KDM6A: variants seen among roughly 807,000 people sequenced by gnomAD.
The protein encoded by KDM6A is lysine-specific demethylase 6A.
KDM6A carries 11 observed loss-of-function variants against 117.6 expected under a neutral mutation model. The ratio of observed to expected loss-of-function variants is 0.09; its 90% CI spans 0.06 to 0.15. The LOEUF (loss-of-function observed/expected upper bound fraction) is 0.15, where lower values mean the gene tolerates loss of function less well. Among genes scored for constraint, KDM6A ranks in the 10% least tolerant of loss-of-function variants. The pLI is 1.00. For missense variants in KDM6A, 799 were observed against 1,077.3 expected (o/e 0.74, Z 3.62); for synonymous variants, 384 against 396.1 (o/e 0.97, Z 0.36).
intron 2 of KDM6A, among the ~76,000 whole-genome samples, chrX:44,909,808 G>C (rs1397164083): frequency 8.9e-6 from 1 of 111,857 alleles, no homozygotes; most frequent in East Asian, 2.8e-4. Flanking sequence ...TAGGAGAGAA[G>C]TTGTTGCATG....
intron 2 of KDM6A, among the ~76,000 whole-genome samples, chrX:44,948,968 C>G (rs1422838670): frequency 8.9e-6 from 1 of 112,239 alleles, no homozygotes; most frequent in Non-Finnish European, 1.9e-5. Flanking sequence ...TTAACAGATA[C>G]TCTTCAGTAG....
chrX:45,082,805 AATATT>A lies in KDM6A; in HGVS notation c.3440+17_3440+21del. ...ATGACAAAAAGTAAGTCCTTGTAGT[AATATT>A]TCTGTGAACTGATGCAAAGAGTTAT... On this transcript the variant is annotated intron_variant, in intron 23 of 29. Transcript: ENST00000611820. 9.4e-7 allele frequency: 1 copy of A among 1,060,189 alleles called. No homozygotes were observed. The highest frequency in any genetic ancestry group is 1.3e-6 in the Non-Finnish European group (1 of 758,365). The allele number at this position is 1,060,189 out of a possible 1,213,427, so 87.4% of individuals were successfully genotyped here.
chrX:45,029,845 T>C (rs1214894520), intron 6 of KDM6A, among the ~76,000 whole-genome samples: 1 of 111,184 alleles, frequency 9.0e-6, no homozygotes, highest in Non-Finnish European at 1.9e-5. Flanking sequence ...TTTAAAAATT[T>C]CTAGTCAGTT....
intron 3 of KDM6A, among the ~76,000 whole-genome samples, chrX:44,968,250 A>C (rs1228813368): frequency 8.9e-6 from 1 of 112,717 alleles, no homozygotes; most frequent in Admixed American, 9.4e-5. Context: ...GTGACCAGGG[A>C]CAAGTTGGCT....
intron 27 of KDM6A, among the ~76,000 whole-genome samples, chrX:45,093,914 T>C (rs1057128285): frequency 9.0e-6 from 1 of 111,177 alleles, no homozygotes; most frequent in Non-Finnish European, 1.9e-5. Context: ...GCACTTACAT[T>C]CTTATCTATA....
Position 45,010,945 on chromosome X carries a change from T to G in KDM6A, c.385-16T>G. The G allele has an allele frequency of 8.5e-7, 1 of 1,172,815 alleles. No homozygotes were observed. Among genetic ancestry groups the G allele is most frequent in the Middle Eastern group, 2.4e-4 (1 of 4,173 alleles). On this transcript the variant is annotated splice_polypyrimidine_tract_variant and intron_variant, in intron 4 of 29. Coordinates refer to ENST00000611820, the MANE Select transcript of KDM6A (RefSeq NM_001291415.2). The stretch of plus-strand genomic sequence containing the variant: ...ACAAGTATTTTTCCTAAAAATCTTT[T>G]TCCCTTCCTTTACAGAATGCTGCCT...
At chrX:44,914,676 A>C (rs1202518702) in intron 2 of KDM6A, among the ~76,000 whole-genome samples, 1 of 111,162 alleles carries the variant, frequency 9.0e-6, no homozygotes, top group Non-Finnish European at 1.9e-5. Flanking sequence ...TAAACTACTC[A>C]TCAAAGTACC....
intron 2 of KDM6A, among the ~76,000 whole-genome samples, chrX:44,910,186 T>C (rs2034994134): frequency 1.8e-5 from 2 of 112,264 alleles, no homozygotes; most frequent in African/African-American, 6.5e-5. Context: ...ACTCTTATTT[T>C]TTTCATAAAC....
At chrX:44,987,310 T>C (rs772675081) in intron 4 of KDM6A, among the ~76,000 whole-genome samples, 72 of 111,483 alleles carry the variant, frequency 6.5e-4, no homozygotes, top group Non-Finnish European at 1.2e-3. Context: ...TCTCTGCACA[T>C]GAGATGGGTT....
rs774785601 is a variant in KDM6A at position 45,063,436 on chromosome X, A to T, written c.1698A>T (p.Gly566=). The T allele has an allele frequency of 5.0e-6, 6 of 1,203,748 alleles. No homozygotes were observed. Among genetic ancestry groups the T allele is most frequent in the Non-Finnish European group, 6.7e-6 (6 of 894,341 alleles). The part of the protein sequence containing the change: ...LMQQHQMRPT[G]VAQVRSTGIP... ...TTTTTTGACAGATGAGACCAACAGG[A>T]GTTGCACAGGTACGATCTACTGGAA... The change falls in exon 17 of 30, where the codon GGA becomes GGT. Residue 566 remains glycine, a synonymous_variant. Coordinates refer to ENST00000611820, the MANE Select transcript of KDM6A (RefSeq NM_001291415.2).
rs6611048 is a variant in KDM6A at position 44,901,481 on chromosome X, A to G, written c.225+27494A>G. Among the ~76,000 whole-genome samples the G allele has an allele frequency of 8.5e-3, 952 of 111,370 alleles. 11 individuals carry two copies. The highest frequency in any genetic ancestry group is 0.03 in the African/African-American group (917 of 30,649). On this transcript the variant is annotated intron_variant, in intron 2 of 29. Coordinates refer to ENST00000611820, the MANE Select transcript of KDM6A (RefSeq NM_001291415.2). Reference sequence around the variant, plus strand: ...GCTGTTGTTGCAGGGAGTATTCTATAGGTGGCTATTAAGTCTTGTTTTGTA... The same window carrying G: ...GCTGTTGTTGCAGGGAGTATTCTATGGGTGGCTATTAAGTCTTGTTTTGTA...
intron 2 of KDM6A, among the ~76,000 whole-genome samples, chrX:44,960,789 A>C (rs1225125122): frequency 9.0e-6 from 1 of 111,656 alleles, no homozygotes; most frequent in Non-Finnish European, 1.9e-5. Flanking sequence ...AGTATATGGT[A>C]GTTTAAAACT....
intron 2 of KDM6A, among the ~76,000 whole-genome samples, chrX:44,959,624 TATTC>T (rs1204043017): frequency 5.4e-5 from 6 of 111,420 alleles, no homozygotes; most frequent in Non-Finnish European, 7.5e-5. Context: ...ACAATATTCT[TATTC>T]ATTAATGTAA....
At chrX:44,927,387 A>G (rs978800899) in intron 2 of KDM6A, among the ~76,000 whole-genome samples, 3 of 111,015 alleles carry the variant, frequency 2.7e-5, no homozygotes, top group African/African-American at 9.8e-5. Context: ...TCAAATGACT[A>G]AAGGATAACA....
chrX:45,041,295 CG>C (rs1193386399), intron 8 of KDM6A, among the ~76,000 whole-genome samples: 1 of 83,069 alleles, frequency 1.2e-5, no homozygotes, highest in Non-Finnish European at 2.3e-5. Flanking sequence ...GCTGGCCGGG[CG>C]GGGGGCTGAC....
chrX:45,038,281 T>C (rs895910909), intron 8 of KDM6A, among the ~76,000 whole-genome samples: 1 of 111,786 alleles, frequency 8.9e-6, no homozygotes, highest in Non-Finnish European at 1.9e-5. Context: ...AATGGCTATA[T>C]TTAAGATTTA....
At chrX:44,939,423 G>A (rs1405551728) in intron 2 of KDM6A, among the ~76,000 whole-genome samples, 1 of 112,294 alleles carries the variant, frequency 8.9e-6, no homozygotes, top group African/African-American at 3.2e-5. Context: ...GCCTGAAGAT[G>A]TGATTGAATT....
At chrX:44,940,774 G>A (rs1047878936) in intron 2 of KDM6A, among the ~76,000 whole-genome samples, 9 of 111,737 alleles carry the variant, frequency 8.1e-5, no homozygotes, top group African/African-American at 2.6e-4. Context: ...GGTGACTCAC[G>A]CCTGTAATTC....
chrX:45,092,709 A>C (rs985811573), intron 27 of KDM6A, among the ~76,000 whole-genome samples: 1 of 111,484 alleles, frequency 9.0e-6, no homozygotes, highest in African/African-American at 3.3e-5. Flanking sequence ...AATAAGATAA[A>C]ATACAATAAT....
Sources: allele counts gnomAD v4.1 joint callset (sites outside exome capture counted in the v4.1 genomes callset), GRCh38; gene constraint gnomAD v4.1.1; transcripts MANE v1.5; gene names NCBI Gene and HGNC (gene_info 2026-07-23, HGNC 2026-07-21).